NXPE2: variants seen among roughly 807,000 people sequenced by gnomAD.
NXPE2 encodes NXPE family member 2.
In NXPE2, 34 loss-of-function variants were observed where a neutral mutation model predicts 34.4. The ratio of observed to expected loss-of-function variants is 0.99; its 90% CI spans 0.75 to 1.31. The LOEUF is 1.31. Ranked by LOEUF, NXPE2 falls within the 40% of genes most tolerant of loss-of-function variation. NXPE2 has a pLI of 0.00. For missense variants in NXPE2, 649 were observed against 672.5 expected (o/e 0.97, Z 0.39); for synonymous variants, 235 against 231.3 (o/e 1.02, Z -0.15).
chr11:114,551,297 C>T, the NXPE2 span: 1 of 1,346,874 alleles, frequency 7.4e-7, no homozygotes, highest in African/African-American at 1.5e-5. Flanking sequence ...TGTAATTTGC[C>T]TCCAACATTT....
the NXPE2 span, among the ~76,000 whole-genome samples, chr11:114,637,380 T>G: frequency 6.6e-6 from 1 of 152,060 alleles, no homozygotes; most frequent in African/African-American, 2.4e-5. Flanking sequence ...ATGGGTTTCC[T>G]GAATACAGCA....
At chr11:114,529,885 G>A in the NXPE2 span, 17 of 326,924 alleles carry the variant, frequency 5.2e-5, no homozygotes, top group Admixed American at 6.2e-4. Flanking sequence ...TATGGGAGGT[G>A]AAGGAGCATG....
chr11:114,722,778 C>T, the NXPE2 span, among the ~76,000 whole-genome samples: 17 of 152,142 alleles, frequency 1.1e-4, no homozygotes, highest in Non-Finnish European at 2.4e-4. Flanking sequence ...AATAACAAAA[C>T]GAAGGCAGTA....
chr11:114,673,685 T>C (rs1217845407), upstream of NXPE2, among the ~76,000 whole-genome samples: 1 of 151,840 alleles, frequency 6.6e-6, no homozygotes, highest in East Asian at 1.9e-4. Flanking sequence ...TAACTCTCTA[T>C]GCCAAAGAGA....
chr11:114,622,689 G>T, the NXPE2 span, among the ~76,000 whole-genome samples: 1 of 151,680 alleles, frequency 6.6e-6, no homozygotes, highest in East Asian at 2.0e-4. Context: ...GTTGCCTAGT[G>T]GTTAACCCCT....
chr11:114,776,222 G>A, the NXPE2 span, among the ~76,000 whole-genome samples: 2 of 152,354 alleles, frequency 1.3e-5, no homozygotes, highest in South Asian at 2.1e-4. Context: ...CGGCCCCCGT[G>A]TCCGGGCACA....
the NXPE2 span, among the ~76,000 whole-genome samples, chr11:114,763,984 C>T: frequency 7.0e-3 from 1,073 of 152,208 alleles, 7 homozygotes; most frequent in African/African-American, 0.024. Context: ...TCATCATCAA[C>T]GTCATCATCA....
the NXPE2 span, among the ~76,000 whole-genome samples, chr11:114,620,630 C>A: frequency 1.1e-4 from 17 of 151,916 alleles, no homozygotes; most frequent in African/African-American, 4.1e-4. Context: ...TAAGTGTTGC[C>A]TCTAGAGTAA....
chr11:114,534,100 G>A, the NXPE2 span, among the ~76,000 whole-genome samples: 5 of 152,186 alleles, frequency 3.3e-5, no homozygotes, highest in Admixed American at 1.3e-4. Flanking sequence ...CCAGAGGAAC[G>A]ATCAGGCAGC....
At chr11:114,800,979 A>G in the NXPE2 span, among the ~76,000 whole-genome samples, 5 of 152,244 alleles carry the variant, frequency 3.3e-5, no homozygotes, top group African/African-American at 9.6e-5. Flanking sequence ...ATGTGAAATT[A>G]TAAGAAACTA....
chr11:114,551,021 T>G, the NXPE2 span: 20 of 715,214 alleles, frequency 2.8e-5, no homozygotes. Context: ...GGGGCAGGAC[T>G]AATGGAGTGG....
the NXPE2 span, among the ~76,000 whole-genome samples, chr11:114,509,176 G>A: frequency 1.3e-5 from 2 of 152,104 alleles, no homozygotes; most frequent in South Asian, 4.1e-4. Flanking sequence ...ACTTATTAGA[G>A]AAATGCAAAT....
chr11:114,710,591 C>T (rs553472813), downstream of NXPE2, among the ~76,000 whole-genome samples: 23 of 152,004 alleles, frequency 1.5e-4, no homozygotes, highest in African/African-American at 5.3e-4. Context: ...GACATTGAAA[C>T]AGTAATCAAA....
chr11:114,766,818 T>A, the NXPE2 span, among the ~76,000 whole-genome samples: 1 of 152,276 alleles, frequency 6.6e-6, no homozygotes, highest in South Asian at 2.1e-4. Flanking sequence ...AATTAACTCA[T>A]GATCTCTTTG....
chr11:114,650,768 G>A, the NXPE2 span, among the ~76,000 whole-genome samples: 2 of 152,086 alleles, frequency 1.3e-5, no homozygotes, highest in Non-Finnish European at 2.9e-5. Flanking sequence ...ACAAGAAGGA[G>A]GAGCAAGAAC....
chr11:114,613,176 G>A, the NXPE2 span, among the ~76,000 whole-genome samples: 4 of 151,286 alleles, frequency 2.6e-5, no homozygotes, highest in African/African-American at 4.9e-5. Context: ...GATAATTAGT[G>A]TTGCCTCTAG....
At chr11:114,796,569 G>A in the NXPE2 span, among the ~76,000 whole-genome samples, 1 of 152,178 alleles carries the variant, frequency 6.6e-6, no homozygotes, top group Non-Finnish European at 1.5e-5. Context: ...TGTAATAATA[G>A]TAAACCAAAG....
At chr11:114,492,331 AT>A in the NXPE2 span, among the ~76,000 whole-genome samples, 3 of 151,944 alleles carry the variant, frequency 2.0e-5, no homozygotes. Context: ...TTGTAGTTTT[AT>A]TCCATTGTTT....
the NXPE2 span, among the ~76,000 whole-genome samples, chr11:114,560,382 T>TGG: frequency 6.6e-6 from 1 of 151,740 alleles, no homozygotes; most frequent in East Asian, 1.9e-4. Flanking sequence ...GCCATCCTTC[T>TGG]GCCTTGGGCC....
Sources: allele counts gnomAD v4.1 joint callset (sites outside exome capture counted in the v4.1 genomes callset), GRCh38; gene constraint gnomAD v4.1.1; transcripts MANE v1.5; gene names NCBI Gene and HGNC (gene_info 2026-07-23, HGNC 2026-07-21).